Variants in NOX3 observed in about 807,000 individuals in gnomAD.
NOX3 encodes the protein NADPH oxidase 3, also known as NADPH oxidase catalytic subunit-like 3.
In NOX3, 74 loss-of-function variants were observed where a neutral mutation model predicts 76.7. The ratio of observed to expected loss-of-function variants is 0.96; its 90% CI spans 0.80 to 1.17. NOX3 has a LOEUF of 1.17. NOX3 is among the 50% of genes most tolerant of loss of function. NOX3 has a pLI of 0.00. For missense variants in NOX3, 695 were observed against 703.3 expected (o/e 0.99, Z 0.13); for synonymous variants, 263 against 261.1 (o/e 1.01, Z -0.07).
intron 4 of NOX3, among the ~76,000 whole-genome samples, chr6:155,448,304 G>C (rs1286158532): frequency 6.6e-6 from 1 of 152,194 alleles, no homozygotes; most frequent in Non-Finnish European, 1.5e-5. Flanking sequence ...CAAAGCTCAT[G>C]TTTTCATGTT....
At chr6:155,428,190 G>C (rs1776781732) in intron 9 of NOX3, among the ~76,000 whole-genome samples, 1 of 152,232 alleles carries the variant, frequency 6.6e-6, no homozygotes, top group African/African-American at 2.4e-5. Context: ...CGTGAGCCCA[G>C]ACTTTTCTGA....
chr6:155,450,408 G>T (rs1777118745), intron 4 of NOX3, among the ~76,000 whole-genome samples: 1 of 152,164 alleles, frequency 6.6e-6, no homozygotes, highest in Non-Finnish European at 1.5e-5. Flanking sequence ...ATGCATATGT[G>T]TCCTGTACCA....
chr6:155,428,288 T>C (rs191966665), intron 9 of NOX3, among the ~76,000 whole-genome samples: 1 of 152,316 alleles, frequency 6.6e-6, no homozygotes, highest in African/African-American at 2.4e-5. Context: ...TATTTAGAAA[T>C]AGGGTTGCAG....
chr6:155,449,375 T>C (rs1777106352), intron 4 of NOX3, among the ~76,000 whole-genome samples: 1 of 152,062 alleles, frequency 6.6e-6, no homozygotes, highest in Non-Finnish European at 1.5e-5. Context: ...TACTTTTCAA[T>C]TGGAAGGGTC....
chr6:155,418,042 G>A (rs1479718523), intron 10 of NOX3, among the ~76,000 whole-genome samples: 2 of 152,174 alleles, frequency 1.3e-5, no homozygotes, highest in Non-Finnish European at 2.9e-5. Context: ...ATGCAGTTAA[G>A]AAAACGAACC....
rs200968638 is a variant in NOX3 at position 155,445,957 on chromosome 6, CTA to C, written c.341-2541_341-2540del. On this transcript the variant is annotated intron_variant, in intron 4 of 13. Coordinates refer to ENST00000159060, the MANE Select transcript of NOX3 (RefSeq NM_015718.3). ...GCTATAGATATATAATATATATATG[CTA>C]TATATATATAATATATATATGCTAT... Among the ~76,000 whole-genome samples the C allele has an allele frequency of 1.8e-3, 232 of 126,030 alleles. 1 individual carries two copies. The highest frequency in any genetic ancestry group is 5.5e-3 in the African/African-American group (176 of 32,252). 82.7% of individuals were successfully genotyped at this position (126,030 alleles called of 152,430 possible).
Position 155,443,360 on chromosome 6 carries a change from C to T in NOX3, c.399G>A (p.Glu133=). The part of the protein sequence containing the change: ...NLERYHWSQS[E]EAQGLLAALS... Reference sequence around the variant, plus strand: ...GTGCGGCCAGAAGTCCCTGGGCCTCCTCGGACTGGCTCCAGTGGTAGCGTT... The same window carrying T: ...GTGCGGCCAGAAGTCCCTGGGCCTCTTCGGACTGGCTCCAGTGGTAGCGTT... Residue 133 remains glutamate, a synonymous_variant, in exon 5 of 14, where the codon GAG becomes GAA. Transcript: ENST00000159060. 6.2e-7 allele frequency: 1 copy of T among 1,614,040 alleles called. No homozygotes were observed. Among genetic ancestry groups the T allele is most frequent in the Non-Finnish European group, 8.5e-7 (1 of 1,179,954 alleles).
intron 12 of NOX3, among the ~76,000 whole-genome samples, chr6:155,398,125 C>T (rs981790761): frequency 7.9e-5 from 12 of 152,184 alleles, no homozygotes; most frequent in African/African-American, 2.7e-4. Flanking sequence ...TTTCCAATCT[C>T]TAGTATAAGC....
intron 4 of NOX3, among the ~76,000 whole-genome samples, chr6:155,444,867 C>G (rs1289737281): frequency 6.6e-6 from 1 of 152,148 alleles, no homozygotes; most frequent in Non-Finnish European, 1.5e-5. Context: ...TATATATACC[C>G]CTGCACATAC....
chr6:155,427,878 T>C (rs1459299204), intron 9 of NOX3, among the ~76,000 whole-genome samples: 1 of 152,106 alleles, frequency 6.6e-6, no homozygotes, highest in Admixed American at 6.5e-5. Context: ...CCCAGGCTTT[T>C]TCTTTTTCTT....
At chr6:155,428,729 G>A in intron 9 of NOX3, 65 bp downstream of exon 9, 3 of 1,381,062 alleles carry the variant, frequency 2.2e-6, no homozygotes, top group Non-Finnish European at 2.9e-6. Flanking sequence ...GTAGCATGTT[G>A]ATACATTAAG....
intron 4 of NOX3, among the ~76,000 whole-genome samples, chr6:155,444,623 A>C (rs1217389465): frequency 6.6e-6 from 1 of 152,258 alleles, no homozygotes; most frequent in Non-Finnish European, 1.5e-5. Context: ...GTGAAGAAGA[A>C]AAAAGACATT....
intron 3 of NOX3, 122 bp downstream of exon 3, chr6:155,454,689 C>A: frequency 1.6e-6 from 1 of 627,976 alleles, no homozygotes; most frequent in Admixed American, 3.5e-5. Flanking sequence ...TTATCTCTAA[C>A]AAAGAAACCC....
At chr6:155,431,796 G>C (rs1776837851) in intron 7 of NOX3, among the ~76,000 whole-genome samples, 2 of 152,208 alleles carry the variant, frequency 1.3e-5, no homozygotes, top group Admixed American at 1.3e-4. Context: ...GACTCAGTCA[G>C]ATCAACCAAA....
At chr6:155,429,937 G>GT (rs1776810531) in intron 8 of NOX3, among the ~76,000 whole-genome samples, 1 of 152,168 alleles carries the variant, frequency 6.6e-6, no homozygotes, top group South Asian at 2.1e-4. Flanking sequence ...GCTCGAGTAG[G>GT]TTTCCAGAAG....
chr6:155,438,194 C>A (rs1776936060), intron 6 of NOX3, among the ~76,000 whole-genome samples: 2 of 152,096 alleles, frequency 1.3e-5, no homozygotes, highest in African/African-American at 2.4e-5. Flanking sequence ...CAGGGGTTAA[C>A]AACCCCGGCG....
At chr6:155,421,918 C>T (rs550662771) in intron 10 of NOX3, among the ~76,000 whole-genome samples, 2 of 152,260 alleles carry the variant, frequency 1.3e-5, no homozygotes, top group East Asian at 3.9e-4. Flanking sequence ...GACAGATGTC[C>T]CATGGTTTAC....
chr6:155,420,936 T>C (rs1489293377), intron 10 of NOX3, among the ~76,000 whole-genome samples: 1 of 152,216 alleles, frequency 6.6e-6, no homozygotes, highest in African/African-American at 2.4e-5. Context: ...TTTGTCTTAT[T>C]TAGCATTAAA....
intron 12 of NOX3, among the ~76,000 whole-genome samples, chr6:155,406,586 G>T (rs1776464006): frequency 6.6e-6 from 1 of 152,190 alleles, no homozygotes. Context: ...TATCCTTGCA[G>T]ACTCTTAGGA....
Sources: allele counts gnomAD v4.1 joint callset (sites outside exome capture counted in the v4.1 genomes callset), GRCh38; gene constraint gnomAD v4.1.1; transcripts MANE v1.5; gene names NCBI Gene and HGNC (gene_info 2026-07-23, HGNC 2026-07-21).